MYRFL: variants seen among roughly 807,000 people sequenced by gnomAD.
MYRFL encodes the protein myelin regulatory factor-like protein.
In MYRFL, 88 loss-of-function variants were observed where a neutral mutation model predicts 109.4. The ratio of observed to expected loss-of-function variants is 0.80; its 90% CI spans 0.68 to 0.96. The LOEUF (loss-of-function observed/expected upper bound fraction) is 0.96. Ranked by LOEUF, MYRFL falls within the 40% of genes least tolerant of loss-of-function variation. The probability of loss-of-function intolerance (pLI) is 0.00; values close to 1 mark genes in which losing one functional copy is unlikely to be tolerated. For missense variants in MYRFL, 957 were observed against 954.9 expected (o/e 1.00, Z -0.03); for synonymous variants, 324 against 320.9 (o/e 1.01, Z -0.10).
rs186806932 is a variant in MYRFL at position 69,857,904 on chromosome 12, A to T, written c.137+2534A>T. On this transcript the variant is annotated intron_variant, in intron 2 of 24. Transcript: ENST00000552032. ...TAAGACCTGGGTATAGTATTGAATAAAGAAATAGTGAGACTAGACATATTT... is the reference window on the plus strand; with the variant it reads ...TAAGACCTGGGTATAGTATTGAATATAGAAATAGTGAGACTAGACATATTT... Among the ~76,000 whole-genome samples, 791 of 151,960 alleles carry T rather than the reference A, an allele frequency of 5.2e-3. 1 individual carries two copies. The highest frequency in any genetic ancestry group is 8.6e-3 in the Non-Finnish European group (581 of 67,742).
At chr12:69,911,969 T>C (rs1374124837) in intron 13 of MYRFL, among the ~76,000 whole-genome samples, 3 of 152,238 alleles carry the variant, frequency 2.0e-5, no homozygotes, top group African/African-American at 7.2e-5. Context: ...ACCAGCCTCC[T>C]GGTAATGCCA....
intron 6 of MYRFL, among the ~76,000 whole-genome samples, chr12:69,887,553 A>G (rs377115777): frequency 3.3e-5 from 5 of 152,302 alleles, no homozygotes; most frequent in African/African-American, 1.2e-4. Flanking sequence ...TAAATGTGCA[A>G]TCCTATATTA....
chr12:69,939,528 A>G (rs1458684809), intron 19 of MYRFL, among the ~76,000 whole-genome samples: 15 of 152,276 alleles, frequency 9.9e-5, no homozygotes, highest in Non-Finnish European at 1.6e-4. Flanking sequence ...CATCCACACC[A>G]AAAACCCATC....
chr12:69,856,875 C>G (rs773217311), intron 2 of MYRFL, among the ~76,000 whole-genome samples: 2 of 151,904 alleles, frequency 1.3e-5, no homozygotes, highest in Non-Finnish European at 2.9e-5. Context: ...GTGTTTTTCT[C>G]AGAGCAAAAG....
chr12:69,943,668 C>A (rs1434274984), intron 19 of MYRFL, among the ~76,000 whole-genome samples: 15 of 147,886 alleles, frequency 1.0e-4, no homozygotes, highest in East Asian at 4.0e-4. Context: ...GCAACAAAAG[C>A]CAAAATTGAC....
intron 21 of MYRFL, among the ~76,000 whole-genome samples, chr12:69,954,345 C>T (rs906978263): frequency 2.6e-5 from 4 of 152,102 alleles, no homozygotes; most frequent in Non-Finnish European, 5.9e-5. Flanking sequence ...TCTAAGCTTC[C>T]CCTAGTCAAA....
intron 16 of MYRFL, among the ~76,000 whole-genome samples, chr12:69,933,662 C>T (rs943177934): frequency 6.6e-6 from 1 of 152,070 alleles, no homozygotes; most frequent in African/African-American, 2.4e-5. Flanking sequence ...ACACGACTAC[C>T]TAGAATTCCC....
intron 1 of MYRFL, among the ~76,000 whole-genome samples, chr12:69,845,237 C>T (rs56919118): frequency 2.6e-5 from 4 of 152,126 alleles, no homozygotes; most frequent in Non-Finnish European, 5.9e-5. Context: ...CCTCCTTTCC[C>T]TCCCTTAGAA....
At chr12:69,842,121 G>A (rs1242815865) in intron 1 of MYRFL, among the ~76,000 whole-genome samples, 3 of 152,158 alleles carry the variant, frequency 2.0e-5, no homozygotes, top group South Asian at 2.1e-4. Flanking sequence ...CTAACCCTTA[G>A]CACTGTGCCT....
At position 69,897,318 on chromosome 12, in the gene MYRFL, A is replaced by G. The variant is rs1251375385; in HGVS notation, c.1182+72A>G. On this transcript the variant is annotated intron_variant, in intron 10 of 24. Transcript: ENST00000552032. ...TATGTAGGCAGAATTTGAATTTTCA[A>G]TGGTGTGCTTGAATATGCTATTTCG... The G allele has an allele frequency of 1.0e-4, 109 of 1,064,472 alleles. 1 individual carries two copies. In the Admixed American group the frequency reaches 1.7e-3, roughly 17 times the overall value. The allele number at this position is 1,064,472 out of a possible 1,614,324, so 65.9% of individuals were successfully genotyped here. A position where few individuals can be genotyped will look rare whatever the true frequency, so the allele number is the denominator to read the frequency against.
intron 10 of MYRFL, 96 bp from the exon 11 acceptor site, chr12:69,903,548 A>G: frequency 1.6e-6 from 2 of 1,240,766 alleles, no homozygotes; most frequent in Non-Finnish European, 2.2e-6. Context: ...TGAAAGACTT[A>G]GATAATATTC....
At chr12:69,882,700 G>A (rs551840553) in intron 5 of MYRFL, among the ~76,000 whole-genome samples, 3 of 152,302 alleles carry the variant, frequency 2.0e-5, no homozygotes, top group African/African-American at 7.2e-5. Context: ...TGGTAGGCAG[G>A]CTTCTACCAG....
intron 2 of MYRFL, among the ~76,000 whole-genome samples, chr12:69,856,438 A>G (rs1328406979): frequency 6.6e-6 from 1 of 152,102 alleles, no homozygotes; most frequent in Non-Finnish European, 1.5e-5. Flanking sequence ...GAACTGCTGG[A>G]TCATGTTGTA....
chr12:69,893,947 T>C (rs761820968), intron 8 of MYRFL, 107 bp downstream of exon 8: 13 of 287,122 alleles, frequency 4.5e-5, no homozygotes, highest in Non-Finnish European at 7.5e-5. Context: ...ATTTTGCTTA[T>C]TTAAAATGAA....
chr12:69,954,487 C>T (rs1956053664), intron 21 of MYRFL, among the ~76,000 whole-genome samples: 2 of 152,108 alleles, frequency 1.3e-5, no homozygotes, highest in Non-Finnish European at 2.9e-5. Flanking sequence ...GTATAATTGA[C>T]AAGCAAAAAT....
intron 6 of MYRFL, among the ~76,000 whole-genome samples, chr12:69,887,679 T>C (rs1053148766): frequency 6.6e-6 from 1 of 151,286 alleles, no homozygotes; most frequent in Non-Finnish European, 1.5e-5. Context: ...AATTCAAATT[T>C]TAAAATTTTC....
chr12:69,826,169 A>G (rs1490341642), intron 1 of MYRFL, among the ~76,000 whole-genome samples: 1 of 152,060 alleles, frequency 6.6e-6, no homozygotes, highest in Non-Finnish European at 1.5e-5. Context: ...AAATAGTGAG[A>G]TTCTATGTCA....
chr12:69,862,374 C>T (rs1487880206), intron 2 of MYRFL, among the ~76,000 whole-genome samples: 3 of 152,008 alleles, frequency 2.0e-5, no homozygotes, highest in African/African-American at 4.8e-5. Flanking sequence ...ATTCTTCCTA[C>T]CCATGAGCAT....
chr12:69,894,970 GA>G (rs1297397984), intron 8 of MYRFL, among the ~76,000 whole-genome samples: 1 of 152,260 alleles, frequency 6.6e-6, no homozygotes, highest in Non-Finnish European at 1.5e-5. Context: ...GCAAATATGT[GA>G]AGGGGATGCA....
Sources: gnomAD v4.1 joint callset for allele counts (sites outside exome capture counted in the v4.1 genomes callset) on GRCh38, gnomAD v4.1.1 for gene constraint, MANE v1.5 for transcripts, NCBI Gene and HGNC (gene_info 2026-07-23, HGNC 2026-07-21) for gene names.